CNNM2: variants seen among roughly 807,000 people sequenced by gnomAD.
CNNM2 encodes the protein cyclin and CBS domain divalent metal cation transport mediator 2.
In CNNM2, 12 loss-of-function variants were observed where a neutral mutation model predicts 66.9. The ratio of observed to expected loss-of-function variants is 0.18; its 90% CI spans 0.11 to 0.29. The LOEUF is 0.29. Among genes scored for constraint, CNNM2 ranks in the 10% least tolerant of loss-of-function variants. CNNM2 has a pLI of 1.00. For missense variants in CNNM2, 705 were observed against 1,167.7 expected, an observed-to-expected ratio of 0.60 and a Z score of 5.77; for synonymous variants, 557 against 501.8, an observed-to-expected ratio of 1.11 and a Z score of -1.47.
intron 4 of CNNM2, among the ~76,000 whole-genome samples, chr10:103,057,249 C>A (rs1030334293): frequency 3.9e-5 from 6 of 152,200 alleles, no homozygotes; most frequent in Admixed American, 3.3e-4. Flanking sequence ...GGGAGGATTG[C>A]TTGAGGCCAG....
Position 103,010,922 on chromosome 10 carries a change from A to G in CNNM2, c.1622-38785A>G, listed in dbSNP as rs538830286. ...GCTACCGTGCCTGGCCGTGATATTTATATTCTTATGTTTTATATTACTTTT... is the reference window on the plus strand; with the variant it reads ...GCTACCGTGCCTGGCCGTGATATTTGTATTCTTATGTTTTATATTACTTTT... On this transcript the variant is annotated intron_variant, in intron 1 of 7. Coordinates refer to ENST00000369878, the MANE Select transcript of CNNM2 (RefSeq NM_017649.5). 3.9e-5 allele frequency among the ~76,000 whole-genome samples: 6 copies of G among 152,240 alleles called. No homozygotes were observed. In the East Asian group the frequency reaches 1.2e-3, roughly 29 times the overall value.
In CNNM2 at chr10:103,077,185, C is replaced by A; in HGVS notation, c.*5C>A. On this transcript the variant is annotated 3_prime_UTR_variant, in exon 8 of 8. Transcript: ENST00000369878. ...CACAACGAAGGCGCCATCTAGGCCG[C>A]GCTGGCTGCACCCGCCCAGGCCCGC... The A allele has an allele frequency of 6.2e-7, 1 of 1,611,062 alleles. No individual in the cohort carries two copies. The highest frequency in any genetic ancestry group is 8.5e-7 in the Non-Finnish European group (1 of 1,179,610).
chr10:103,089,944 C>A lies in CNNM2; in HGVS notation c.*12764C>A. ...AAAAGCTAGAGGCTCAGAAAGCAGGCAGAGCAAAGTAGCTACTCCCCAAAT... is the reference window on the plus strand; with the variant it reads ...AAAAGCTAGAGGCTCAGAAAGCAGGAAGAGCAAAGTAGCTACTCCCCAAAT... On this transcript the variant is annotated 3_prime_UTR_variant, in exon 8 of 8. Transcript: ENST00000369878. 2 of 1,541,552 alleles carry A rather than the reference C, an allele frequency of 1.3e-6. No individual in the cohort carries two copies. Among genetic ancestry groups the A allele is most frequent in the Non-Finnish European group, 1.8e-6 (2 of 1,141,380 alleles).
rs1244269634 is a variant in CNNM2 at position 103,083,083 on chromosome 10, G to A, written c.*5903G>A. The A allele has an allele frequency of 1.3e-5, 2 of 152,154 alleles. No individual in the cohort carries two copies. The highest frequency in any genetic ancestry group is 2.9e-5 in the Non-Finnish European group (2 of 68,026). 9.4% of individuals were successfully genotyped at this position (152,154 alleles called of 1,614,324 possible). On this transcript the variant is annotated 3_prime_UTR_variant, in exon 8 of 8. Transcript: ENST00000369878. ...TGCCTTGGCCCTCAAGTAAGACCCT[G>A]CTTTGTGTCTGACTTTGATCCTCCT...
At chr10:102,995,891 G>T (rs1237954247) in intron 1 of CNNM2, among the ~76,000 whole-genome samples, 1 of 151,936 alleles carries the variant, frequency 6.6e-6, no homozygotes, top group Non-Finnish European at 1.5e-5. Flanking sequence ...GTAGAGATGG[G>T]GTTTCTCCAT....
chr10:103,072,745 T>A lies in CNNM2; in HGVS notation c.2233+906T>A, dbSNP rs80314680. 2.3e-3 allele frequency among the ~76,000 whole-genome samples: 353 copies of A among 152,360 alleles called. 3 individuals are homozygous for A. Among genetic ancestry groups the A allele is most frequent in the Non-Finnish European group, 3.8e-3 (259 of 68,024 alleles). ...TTTTCCTATATTTATCTTCGGAGTT[T>A]TTTCCATAATTACTATCATAAAACT... On this transcript the variant is annotated intron_variant, in intron 6 of 7. Coordinates refer to ENST00000369878, the MANE Select transcript of CNNM2 (RefSeq NM_017649.5).
intron 1 of CNNM2, among the ~76,000 whole-genome samples, chr10:102,976,000 A>G (rs983459417): frequency 1.2e-4 from 18 of 152,216 alleles, no homozygotes; most frequent in African/African-American, 4.1e-4. Context: ...TTGTCTTAAA[A>G]GAACCTCACT....
chr10:103,054,718 G>A lies in CNNM2; in HGVS notation c.1903+252G>A, dbSNP rs192864843. 1.3e-5 allele frequency among the ~76,000 whole-genome samples: 2 copies of A among 152,236 alleles called. No homozygotes were observed. The highest frequency in any genetic ancestry group is 4.8e-5 in the African/African-American group (2 of 41,516). ...AGGGGTGGACCAGTAACTTAAAATT[G>A]GTCTGAAAGGTAAGGATGAATGTTA... On this transcript the variant is annotated intron_variant, in intron 3 of 7. Transcript: ENST00000369878. This position sits in a 1 kb window ranked among gnomAD's most constrained non-coding sequence, Gnocchi z 5.2.
Position 103,077,436 on chromosome 10 carries a change from T to C in CNNM2, c.*256T>C, listed in dbSNP as rs2065710136. Reference sequence around the variant, plus strand: ...ATGAACTGATTCCGCCCAAATAGAATCATGTTTATTTTTTCAGCTCTCCCT... The same window carrying C: ...ATGAACTGATTCCGCCCAAATAGAACCATGTTTATTTTTTCAGCTCTCCCT... On this transcript the variant is annotated 3_prime_UTR_variant, in exon 8 of 8. Transcript: ENST00000369878. 1 of 463,956 alleles carries C rather than the reference T, an allele frequency of 2.2e-6. No homozygotes were observed. The highest frequency in any genetic ancestry group is 3.8e-6 in the Non-Finnish European group (1 of 260,746). 28.7% of individuals were successfully genotyped at this position (463,956 alleles called of 1,614,324 possible).
chr10:102,935,279 T>C (rs532700382), intron 1 of CNNM2, among the ~76,000 whole-genome samples: 1 of 148,976 alleles, frequency 6.7e-6, no homozygotes, highest in East Asian at 2.0e-4. Context: ...GCCTAGACAA[T>C]ATTGGGAGAC....
chr10:102,973,818 C>G, intron 1 of CNNM2, among the ~76,000 whole-genome samples: 1 of 6,940 alleles, frequency 1.4e-4, no homozygotes, highest in East Asian at 4.2e-3. Context: ...TCATGTATTC[C>G]CCCCCCCCCT....
At chr10:102,924,634 T>A (rs907831373) in intron 1 of CNNM2, among the ~76,000 whole-genome samples, 32 of 151,992 alleles carry the variant, frequency 2.1e-4, no homozygotes, top group African/African-American at 4.8e-4. Flanking sequence ...TTTTTTTTTT[T>A]TAATTATTTT....
chr10:103,039,486 TATC>T (rs1163834010), intron 1 of CNNM2, among the ~76,000 whole-genome samples: 3 of 152,228 alleles, frequency 2.0e-5, no homozygotes, highest in African/African-American at 7.2e-5. Context: ...GCAAGGCACA[TATC>T]AGCATTCATC....
chr10:103,025,699 G>A (rs1212485130), intron 1 of CNNM2, among the ~76,000 whole-genome samples: 1 of 152,250 alleles, frequency 6.6e-6, no homozygotes, highest in Admixed American at 6.5e-5. Context: ...CTCTAAATCT[G>A]AGTTTTCACT....
chr10:103,065,137 G>A (rs1027622022), intron 4 of CNNM2, among the ~76,000 whole-genome samples: 1 of 152,164 alleles, frequency 6.6e-6, no homozygotes, highest in Non-Finnish European at 1.5e-5. Context: ...TCTTGCAGCC[G>A]CCCTTGCTTA....
In CNNM2 at chr10:103,000,238, A is replaced by AAAAC. The variant is rs1427807156; in HGVS notation, c.1622-49465_1622-49462dup. Among the ~76,000 whole-genome samples, 107 of 137,486 alleles carry AAAAC rather than the reference A, an allele frequency of 7.8e-4. 1 individual carries two copies. The highest frequency in any genetic ancestry group is 3.7e-3 in the Admixed American group (50 of 13,462). 90.2% of individuals were successfully genotyped at this position (137,486 alleles called of 152,430 possible). A position where few individuals can be genotyped will look rare whatever the true frequency, so the allele number is the denominator to read the frequency against. The stretch of plus-strand genomic sequence containing the variant: ...GTGACAAGAGCGAAACTCCGTCTCA[A>AAAAC]AAACAAATAAATAAATAAATAAATA... On this transcript the variant is annotated intron_variant, in intron 1 of 7. Coordinates refer to ENST00000369878, the MANE Select transcript of CNNM2 (RefSeq NM_017649.5).
rs371983947 is a variant in CNNM2, at chr10:103,076,462, A to T, written c.2418+192A>T. Among the ~76,000 whole-genome samples, 14 of 152,228 alleles carry T rather than the reference A, an allele frequency of 9.2e-5. No individual in the cohort carries two copies. Among genetic ancestry groups the T allele is most frequent in the African/African-American group, 3.1e-4 (13 of 41,544 alleles). ...AAGCCTCAGGTTGAGAAAAACGTTG[A>T]TCTTCTTGGTTCTATCCAATGAGCT... On this transcript the variant is annotated intron_variant, in intron 7 of 7. Transcript: ENST00000369878.
At position 102,944,197 on chromosome 10, in the gene CNNM2, G is replaced by GC. The variant is rs201551086; in HGVS notation, c.1621+24102dup. Among the ~76,000 whole-genome samples, 7,313 of 150,440 alleles carry GC rather than the reference G, an allele frequency of 0.049. 177 individuals carry two copies. Among genetic ancestry groups the GC allele is most frequent in the Non-Finnish European group, 0.057 (3,836 of 67,826 alleles). On this transcript the variant is annotated intron_variant, in intron 1 of 7. Coordinates refer to ENST00000369878, the MANE Select transcript of CNNM2 (RefSeq NM_017649.5). ...GGGTTCAAGCAATTCTCCTGTCTCA[G>GC]CCCCCCGAGTAGCTAGGATTACAGG...
chr10:102,948,608 C>T (rs1333260165), intron 1 of CNNM2, among the ~76,000 whole-genome samples: 1 of 152,110 alleles, frequency 6.6e-6, no homozygotes, highest in Non-Finnish European at 1.5e-5. Flanking sequence ...CTAAGGGTTC[C>T]AGGATTTCTT....
Sources: gnomAD v4.1 joint callset for allele counts (sites outside exome capture counted in the v4.1 genomes callset) on GRCh38, gnomAD v4.1.1 for gene constraint, Gnocchi (gnomAD v3.1) non-coding constraint, MANE v1.5 for transcripts, NCBI Gene and HGNC (gene_info 2026-07-23, HGNC 2026-07-21) for gene names.